The following PAK1 variants were observed in gnomAD, a reference collection of about 807,000 sequenced individuals.
PAK1 encodes the protein p21 (RAC1) activated kinase 1, also known as serine/threonine-protein kinase PAK 1.
PAK1 carries 29 observed loss-of-function variants against 67.4 expected under a neutral mutation model. The ratio of observed to expected loss-of-function variants is 0.43; its 90% CI spans 0.32 to 0.59. The LOEUF (loss-of-function observed/expected upper bound fraction) is 0.59, where lower values mean the gene tolerates loss of function less well. Among genes scored for constraint, PAK1 ranks in the 20% least tolerant of loss-of-function variants. The probability of loss-of-function intolerance (pLI) is 0.07; values close to 1 mark genes in which losing one functional copy is unlikely to be tolerated. For missense variants in PAK1, 337 were observed against 670.7 expected (o/e 0.50, Z 5.50); for synonymous variants, 223 against 237.4 (o/e 0.94, Z 0.56).
chr11:77,480,969 A>G, the PAK1 span, among the ~76,000 whole-genome samples: 1 of 152,206 alleles, frequency 6.6e-6, no homozygotes, highest in Non-Finnish European at 1.5e-5. Context: ...CTTAATAAAT[A>G]TATTATTTCT....
At chr11:77,370,024 A>G (rs1334358371) in intron 5 of PAK1, among the ~76,000 whole-genome samples, 2 of 152,174 alleles carry the variant, frequency 1.3e-5, no homozygotes. Flanking sequence ...GTATGTAATT[A>G]GCATTAGTTT....
intron 1 of PAK1, among the ~76,000 whole-genome samples, chr11:77,397,377 A>G (rs992689620): frequency 3.3e-5 from 5 of 152,242 alleles, no homozygotes; most frequent in African/African-American, 1.2e-4. Context: ...TAAAGTCAGG[A>G]GACCCAGGTT....
intron 1 of PAK1, among the ~76,000 whole-genome samples, chr11:77,455,480 G>A (rs1288991436): frequency 1.3e-5 from 2 of 152,168 alleles, no homozygotes; most frequent in South Asian, 2.1e-4. Context: ...TCTCTATCTA[G>A]CAACTGTAGC....
chr11:77,376,098 A>G (rs920676670), intron 4 of PAK1, among the ~76,000 whole-genome samples: 1 of 152,230 alleles, frequency 6.6e-6, no homozygotes, highest in Non-Finnish European at 1.5e-5. Flanking sequence ...TTGGCAGAGT[A>G]CAACACTATG....
intron 1 of PAK1, among the ~76,000 whole-genome samples, chr11:77,429,588 C>T (rs1288853247): frequency 1.3e-5 from 2 of 152,234 alleles, no homozygotes; most frequent in African/African-American, 4.8e-5. Flanking sequence ...AGAAGCATAA[C>T]GTAAGACTGG....
At chr11:77,488,779 G>T in the PAK1 span, among the ~76,000 whole-genome samples, 189 of 152,136 alleles carry the variant, frequency 1.2e-3, no homozygotes, top group Non-Finnish European at 1.3e-3. Context: ...TTTAAAAAAG[G>T]AAGTATGATT....
chr11:77,486,768 T>C, the PAK1 span, among the ~76,000 whole-genome samples: 10 of 152,202 alleles, frequency 6.6e-5, no homozygotes, highest in Non-Finnish European at 1.3e-4. Flanking sequence ...CCTATCTGGG[T>C]GGGGAATTGT....
intron 1 of PAK1, among the ~76,000 whole-genome samples, chr11:77,454,470 T>C (rs1389554895): frequency 6.6e-6 from 1 of 152,216 alleles, no homozygotes; most frequent in East Asian, 1.9e-4. Flanking sequence ...TGGATGCTGT[T>C]GGCTGCCTAC....
intron 7 of PAK1, 92 bp from the exon 8 acceptor site, chr11:77,353,691 G>T: frequency 1.0e-6 from 1 of 962,080 alleles, no homozygotes; most frequent in Non-Finnish European, 1.7e-6. Context: ...GCTGGCAAGG[G>T]TTAAAGAACT....
intron 1 of PAK1, among the ~76,000 whole-genome samples, chr11:77,424,421 CTAA>C (rs1195993765): frequency 6.6e-6 from 1 of 152,080 alleles, no homozygotes; most frequent in Non-Finnish European, 1.5e-5. Context: ...ATATTTGCCC[CTAA>C]TGAGACTCAT....
At chr11:77,354,715 A>G (rs1945768779) in intron 7 of PAK1, among the ~76,000 whole-genome samples, 3 of 152,192 alleles carry the variant, frequency 2.0e-5, no homozygotes, top group Admixed American at 1.3e-4. Context: ...AATTTGTTTT[A>G]AAGTCATATA....
At chr11:77,453,332 C>T (rs1257841198) in intron 1 of PAK1, among the ~76,000 whole-genome samples, 6 of 151,564 alleles carry the variant, frequency 4.0e-5, no homozygotes, top group South Asian at 2.1e-4. Flanking sequence ...CCAGCCTGGG[C>T]GAAAAGAGCA....
At chr11:77,490,574 C>A in the PAK1 span, among the ~76,000 whole-genome samples, 1 of 151,728 alleles carries the variant, frequency 6.6e-6, no homozygotes. Flanking sequence ...CCCGGCCGCC[C>A]CTACTGGGAA....
chr11:77,510,266 T>C, the PAK1 span, among the ~76,000 whole-genome samples: 1 of 152,182 alleles, frequency 6.6e-6, no homozygotes, highest in Non-Finnish European at 1.5e-5. Flanking sequence ...CCAATGTAAA[T>C]ATTACCTCTC....
chr11:77,376,872 C>T (rs908060780), intron 4 of PAK1, among the ~76,000 whole-genome samples: 1 of 152,078 alleles, frequency 6.6e-6, no homozygotes, highest in African/African-American at 2.4e-5. Context: ...CATCATGTAT[C>T]AGCTGAGTCA....
intron 6 of PAK1, among the ~76,000 whole-genome samples, chr11:77,357,895 GA>G (rs1381943205): frequency 6.6e-6 from 1 of 151,594 alleles, no homozygotes; most frequent in African/African-American, 2.4e-5. Context: ...GTTTAGTGGG[GA>G]AAAAAATGTT....
At chr11:77,333,966 C>G (rs186261758) in intron 13 of PAK1, among the ~76,000 whole-genome samples, 1 of 151,736 alleles carries the variant, frequency 6.6e-6, no homozygotes, top group Admixed American at 6.6e-5. Flanking sequence ...TCGAGACCAT[C>G]GAGAACAGCC....
chr11:77,462,757 G>A (rs948208778), intron 1 of PAK1, among the ~76,000 whole-genome samples: 1 of 151,378 alleles, frequency 6.6e-6, no homozygotes, highest in African/African-American at 2.4e-5. Flanking sequence ...GCTTAAATCC[G>A]GAAGGAAGAG....
At chr11:77,327,576 G>C (rs1199128358) in intron 14 of PAK1, among the ~76,000 whole-genome samples, 5 of 151,580 alleles carry the variant, frequency 3.3e-5, no homozygotes, top group African/African-American at 4.8e-5. Flanking sequence ...TTACAGACAA[G>C]CAAATGCTGA....
Sources: allele counts gnomAD v4.1 joint callset (sites outside exome capture counted in the v4.1 genomes callset), GRCh38; gene constraint gnomAD v4.1.1; transcripts MANE v1.5; gene names NCBI Gene and HGNC (gene_info 2026-07-23, HGNC 2026-07-21).